ATP6V0A4: variants seen among roughly 807,000 people sequenced by gnomAD.
The protein encoded by ATP6V0A4 is V-type proton ATPase 116 kDa subunit a 4.
ATP6V0A4 carries 86 observed loss-of-function variants against 107.3 expected under a neutral mutation model. The ratio of observed to expected loss-of-function variants is 0.80; its 90% CI spans 0.67 to 0.96. The LOEUF (loss-of-function observed/expected upper bound fraction) is 0.96. Among genes scored for constraint, ATP6V0A4 ranks in the 40% least tolerant of loss-of-function variants. ATP6V0A4 has a pLI of 0.00. For synonymous variants in ATP6V0A4, 353 were observed against 381.4 expected (o/e 0.93, Z 0.87); for missense variants, 908 against 1,045.6 (o/e 0.87, Z 1.81).
intron 11 of ATP6V0A4, among the ~76,000 whole-genome samples, chr7:138,749,836 T>C (rs940680253): frequency 8.5e-5 from 13 of 152,142 alleles, no homozygotes; most frequent in African/African-American, 3.1e-4. Flanking sequence ...ATTCCTAGAA[T>C]CTTGGAATCA....
chr7:138,733,726 C>T (rs998645633), intron 16 of ATP6V0A4, among the ~76,000 whole-genome samples: 7 of 151,794 alleles, frequency 4.6e-5, no homozygotes, highest in African/African-American at 9.7e-5. Context: ...TACAGGTGCC[C>T]GACACCATGC....
In ATP6V0A4 at chr7:138,768,768, T is replaced by C. The variant is rs776740329; in HGVS notation, c.291+12A>G. The C allele has an allele frequency of 6.2e-7, 1 of 1,613,974 alleles. No individual in the cohort carries two copies. The highest frequency in any genetic ancestry group is 1.1e-5 in the South Asian group (1 of 91,048). On this transcript the variant is annotated intron_variant, in intron 5 of 21. Coordinates refer to ENST00000310018, the MANE Select transcript of ATP6V0A4 (RefSeq NM_020632.3). ...TCCTTACCTGGGGAGGCCAGCAAAG[T>C]GGAGAACTTACCTCCAGGGTAATCA...
At chr7:138,791,649 G>C (rs1563024611) in intron 1 of ATP6V0A4, among the ~76,000 whole-genome samples, 1 of 152,172 alleles carries the variant, frequency 6.6e-6, no homozygotes, top group Non-Finnish European at 1.5e-5. Flanking sequence ...AACAATGGTA[G>C]CCAAAAGAAA....
intron 18 of ATP6V0A4, among the ~76,000 whole-genome samples, chr7:138,723,055 C>CCAAA (rs1554390955): frequency 8.2e-6 from 1 of 122,412 alleles, no homozygotes; most frequent in Non-Finnish European, 1.7e-5. Flanking sequence ...GAGACTGTCT[C>CCAAA]AAAAAAAAAA....
chr7:138,770,170 G>C (rs1054819669), intron 3 of ATP6V0A4, among the ~76,000 whole-genome samples: 3 of 151,450 alleles, frequency 2.0e-5, no homozygotes. Context: ...CACAGCATGG[G>C]AGAAAATCAT....
intron 1 of ATP6V0A4, among the ~76,000 whole-genome samples, chr7:138,794,603 A>G (rs1808570988): frequency 1.3e-5 from 2 of 152,006 alleles, no homozygotes; most frequent in African/African-American, 2.4e-5. Flanking sequence ...AGCCACAGAC[A>G]TTTCAGCCTG....
At chr7:138,730,525 C>T (rs1211371150) in intron 17 of ATP6V0A4, among the ~76,000 whole-genome samples, 1 of 152,136 alleles carries the variant, frequency 6.6e-6, no homozygotes, top group Admixed American at 6.5e-5. Flanking sequence ...AATCTTCACA[C>T]TAGGGTGTGT....
intron 18 of ATP6V0A4, among the ~76,000 whole-genome samples, chr7:138,723,055 CAA>C (rs34685977): frequency 6.5e-5 from 8 of 122,388 alleles, no homozygotes; most frequent in Admixed American, 8.8e-5. Flanking sequence ...GAGACTGTCT[CAA>C]AAAAAAAAAA....
At chr7:138,735,305 C>A (rs1455515229) in intron 15 of ATP6V0A4, among the ~76,000 whole-genome samples, 1 of 152,176 alleles carries the variant, frequency 6.6e-6, no homozygotes, top group Non-Finnish European at 1.5e-5. Context: ...CTGTCCCCAC[C>A]TGTACTTGAG....
chr7:138,781,192 A>ACTG (rs879460602), intron 2 of ATP6V0A4, among the ~76,000 whole-genome samples: 1 of 152,268 alleles, frequency 6.6e-6, no homozygotes, highest in Non-Finnish European at 1.5e-5. Flanking sequence ...GTGAAGGTGT[A>ACTG]CTGCTGGCCT....
chr7:138,762,287 A>G lies in ATP6V0A4; in HGVS notation c.512+53T>C, dbSNP rs1224751084. The G allele has an allele frequency of 6.3e-6, 10 of 1,591,396 alleles. No individual in the cohort carries two copies. In the Admixed American group the frequency reaches 1.3e-4, roughly 21 times the overall value. On this transcript the variant is annotated intron_variant, in intron 7 of 21. Transcript: ENST00000310018. The stretch of plus-strand genomic sequence containing the variant: ...TGTTCACCCGTTCATTCACTCACTC[A>G]GAAATCACTCGCCAGGACCAGGGAC...
At chr7:138,755,114 A>G (rs984816359) in intron 10 of ATP6V0A4, among the ~76,000 whole-genome samples, 1 of 152,182 alleles carries the variant, frequency 6.6e-6, no homozygotes, top group Admixed American at 6.5e-5. Context: ...TCTGCCAGCG[A>G]GGGAGGCCCA....
At chr7:138,760,177 C>T (rs772473500) in intron 7 of ATP6V0A4, among the ~76,000 whole-genome samples, 28 of 152,158 alleles carry the variant, frequency 1.8e-4, no homozygotes, top group Non-Finnish European at 3.4e-4. Context: ...GGCGCCGTGG[C>T]TCACACCTGT....
Position 138,712,495 on chromosome 7 carries a change from G to T in ATP6V0A4, c.2258-2700C>A, listed in dbSNP as rs188537744. On this transcript the variant is annotated intron_variant, in intron 20 of 21. Coordinates refer to ENST00000310018, the MANE Select transcript of ATP6V0A4 (RefSeq NM_020632.3). ...GACCAGTGCAGGAGGCTAACTACTAGGACCACTGATGAAAGCCCCGGCACA... is the reference window on the plus strand; with the variant it reads ...GACCAGTGCAGGAGGCTAACTACTATGACCACTGATGAAAGCCCCGGCACA... Among the ~76,000 whole-genome samples the T allele has an allele frequency of 2.9e-3, 448 of 152,218 alleles. 1 individual carries two copies. Among genetic ancestry groups the T allele is most frequent in the Non-Finnish European group, 5.0e-3 (341 of 68,018 alleles).
chr7:138,781,322 C>CT (rs113113605), intron 2 of ATP6V0A4, among the ~76,000 whole-genome samples: 22,409 of 148,106 alleles, frequency 0.15, 2,918 homozygotes, highest in African/African-American at 0.36. Context: ...TTCAGATTTT[C>CT]TTTTTTTTTT....
rs1439162001 is a variant in ATP6V0A4 at position 138,768,868 on chromosome 7, AGAAAACCTGAAGAAT to A, written c.197-9_202del. The A allele has an allele frequency of 6.2e-7, 1 of 1,614,040 alleles. No homozygotes were observed. Among genetic ancestry groups the A allele is most frequent in the Non-Finnish European group, 8.5e-7 (1 of 1,180,036 alleles). ...AATCTCATTTTGCATCTCGTCTTCC[AGAAAACCTGAAGAAT>A]GAAAACCCACCAGAAACCCCAAGGT... On this transcript the variant is annotated splice_acceptor_variant and splice_polypyrimidine_tract_variant and coding_sequence_variant and intron_variant, in exon 5 of 22. Transcript: ENST00000310018. LOFTEE classifies it high-confidence loss of function.
chr7:138,749,958 C>T (rs1165593219), intron 11 of ATP6V0A4, among the ~76,000 whole-genome samples: 2 of 152,182 alleles, frequency 1.3e-5, no homozygotes, highest in African/African-American at 4.8e-5. Context: ...CTCCAAGCCT[C>T]AGCATCTCTG....
chr7:138,743,550 T>C lies in ATP6V0A4; in HGVS notation c.1478+1573A>G, dbSNP rs191605195. Among the ~76,000 whole-genome samples the C allele has an allele frequency of 1.8e-4, 28 of 152,334 alleles. No individual in the cohort carries two copies. In the East Asian group the frequency reaches 5.2e-3, roughly 28 times the overall value. ...AAAAACTCTTGGATGAAATTGATTG[T>C]TCATTCTGTCCCCCATTTATGACGT... is the stretch of plus-strand genomic sequence containing the variant. On this transcript the variant is annotated intron_variant, in intron 14 of 21. Coordinates refer to ENST00000310018, the MANE Select transcript of ATP6V0A4 (RefSeq NM_020632.3).
At chr7:138,742,159 G>C (rs1168387922) in intron 14 of ATP6V0A4, among the ~76,000 whole-genome samples, 2 of 152,156 alleles carry the variant, frequency 1.3e-5, no homozygotes, top group Non-Finnish European at 2.9e-5. Flanking sequence ...GGGCACGGTG[G>C]CTCACACCTG....
Sources: gnomAD v4.1 joint callset for allele counts (sites outside exome capture counted in the v4.1 genomes callset) on GRCh38, gnomAD v4.1.1 for gene constraint, MANE v1.5 for transcripts, NCBI Gene and HGNC (gene_info 2026-07-23, HGNC 2026-07-21) for gene names.